The following AMOTL1 variants were observed in gnomAD, a reference collection of about 807,000 sequenced individuals.
The protein encoded by AMOTL1 is angiomotin like 1.
AMOTL1 carries 45 observed loss-of-function variants against 102.9 expected under a neutral mutation model. The observed-to-expected ratio is 0.44, with a 90% CI of 0.34 to 0.56. AMOTL1 has a LOEUF of 0.56. AMOTL1 is among the 20% of genes least tolerant of loss of function. The probability of loss-of-function intolerance (pLI) is 0.01; values close to 1 mark genes in which losing one functional copy is unlikely to be tolerated. For missense variants in AMOTL1, 1,114 were observed against 1,225.6 expected, an observed-to-expected ratio of 0.91 and a Z score of 1.36; for synonymous variants, 481 against 484.7, an observed-to-expected ratio of 0.99 and a Z score of 0.10.
intron 3 of AMOTL1, among the ~76,000 whole-genome samples, chr11:94,757,568 A>C (rs1453708673): frequency 1.3e-5 from 2 of 152,160 alleles, no homozygotes; most frequent in Admixed American, 6.5e-5. Flanking sequence ...AGGCTTAATA[A>C]ATAGATCTTA....
chr11:94,839,530 G>A (rs990292151), intron 6 of AMOTL1, among the ~76,000 whole-genome samples: 1 of 152,158 alleles, frequency 6.6e-6, no homozygotes, highest in African/African-American at 2.4e-5. Context: ...AACTGCCATG[G>A]GGAAGCCATC....
intron 3 of AMOTL1, among the ~76,000 whole-genome samples, chr11:94,809,852 GT>G (rs141881240): frequency 0.27 from 41,190 of 151,832 alleles, 6,171 homozygotes; most frequent in East Asian, 0.47. Flanking sequence ...CTCAAAGTCT[GT>G]TTTTTTTCTG....
upstream of AMOTL1, among the ~76,000 whole-genome samples, chr11:94,764,359 A>T (rs964641855): frequency 3.2e-4 from 49 of 152,216 alleles, no homozygotes; most frequent in African/African-American, 1.2e-3. Context: ...TGGAGGTGGA[A>T]CATGAGGAGT....
intron 3 of AMOTL1, among the ~76,000 whole-genome samples, chr11:94,809,735 T>C (rs556061199): frequency 6.6e-6 from 1 of 152,360 alleles, no homozygotes; most frequent in South Asian, 2.1e-4. Context: ...CAATAATGTA[T>C]GTTGACAATT....
upstream of AMOTL1, among the ~76,000 whole-genome samples, chr11:94,766,892 T>C (rs1160499544): frequency 1.3e-5 from 2 of 152,230 alleles, no homozygotes; most frequent in Non-Finnish European, 2.9e-5. Context: ...CTGCCTTCCC[T>C]TGTTTTCTCC....
In AMOTL1 at chr11:94,869,359, G is replaced by A. The variant is rs771639549; in HGVS notation, c.2650G>A (p.Glu884Lys). ...DSSTQTDKSA[E>K]LFWPSMASLP... ...CAGCACACAGACTGACAAGAGTGCC[G>A]AGCTCTTCTGGCCCAGCATGGCCTC... The change falls in exon 12 of 13, where the codon GAG becomes AAG. Residue 884 changes from glutamate (E) to lysine (K), a missense_variant. Coordinates refer to ENST00000433060, the MANE Select transcript of AMOTL1 (RefSeq NM_130847.3). 7.5e-6 allele frequency: 12 copies of A among 1,609,796 alleles called. No homozygotes were observed. Among genetic ancestry groups the A allele is most frequent in the South Asian group, 2.2e-5 (2 of 90,078 alleles).
chr11:94,869,383 T>C lies in AMOTL1; in HGVS notation c.2674T>C (p.Ser892Pro). The change falls in exon 12 of 13, where the codon TCC (serine) becomes CCC (proline). Residue 892 changes from serine to proline, a missense_variant. Coordinates refer to ENST00000433060, the MANE Select transcript of AMOTL1 (RefSeq NM_130847.3). ...CGAGCTCTTCTGGCCCAGCATGGCC[T>C]CCCTTCCCAGCCGCGGCCGGCTGAG... ...SAELFWPSMA[S>P]LPSRGRLSTT... The C allele has an allele frequency of 1.9e-6, 3 of 1,607,818 alleles. No homozygotes were observed. Among genetic ancestry groups the C allele is most frequent in the Non-Finnish European group, 2.5e-6 (3 of 1,177,446 alleles).
chr11:94,725,814 G>A (rs1950248235), intron 1 of AMOTL1, among the ~76,000 whole-genome samples: 1 of 152,150 alleles, frequency 6.6e-6, no homozygotes, highest in Admixed American at 6.5e-5. Context: ...TGTAATAATT[G>A]AGCATTATAT....
At position 94,840,679 on chromosome 11, in the gene AMOTL1, TATAC is replaced by T. The variant is rs879515575; in HGVS notation, c.1648+9140_1648+9143del. On this transcript the variant is annotated intron_variant, in intron 6 of 12. Coordinates refer to ENST00000433060, the MANE Select transcript of AMOTL1 (RefSeq NM_130847.3). ...GTATATATATATATATATATATATA[TATAC>T]ACACACACACACACACACACACACA... 8.8e-3 allele frequency among the ~76,000 whole-genome samples: 1,138 copies of T among 129,234 alleles called. 3 individuals are homozygous for T. The highest frequency in any genetic ancestry group is 0.013 in the East Asian group (58 of 4,568). The allele number at this position is 129,234 out of a possible 152,430, so 84.8% of individuals were successfully genotyped here.
rs565736102 is a variant in AMOTL1, at chr11:94,871,315, C to G, written c.*520C>G. On this transcript the variant is annotated 3_prime_UTR_variant, in exon 13 of 13. Coordinates refer to ENST00000433060, the MANE Select transcript of AMOTL1 (RefSeq NM_130847.3). ...TGGCAGTGAGAAGAAGCATCGAGGGCGAGGGGAATATGAAAGTTGGTCTTC... is the reference window on the plus strand; with the variant it reads ...TGGCAGTGAGAAGAAGCATCGAGGGGGAGGGGAATATGAAAGTTGGTCTTC... 1 of 152,182 alleles carries G rather than the reference C, an allele frequency of 6.6e-6. No homozygotes were observed. Among genetic ancestry groups the G allele is most frequent in the Non-Finnish European group, 1.5e-5 (1 of 68,082 alleles). The allele number at this position is 152,182 out of a possible 1,614,324, so 9.4% of individuals were successfully genotyped here.
intron 7 of AMOTL1, 109 bp from the exon 8 acceptor site, chr11:94,853,824 A>G: frequency 7.7e-7 from 1 of 1,291,020 alleles, no homozygotes. Flanking sequence ...AGGTACGTGC[A>G]CCTGTAGTTT....
intron 1 of AMOTL1, among the ~76,000 whole-genome samples, chr11:94,777,054 A>T (rs7936338): frequency 0.039 from 5,912 of 152,340 alleles, 380 homozygotes; most frequent in African/African-American, 0.13. Context: ...AAACCAATCT[A>T]GCTTCTTGAA....
chr11:94,852,815 A>G (rs1952571828), intron 7 of AMOTL1, among the ~76,000 whole-genome samples: 1 of 152,240 alleles, frequency 6.6e-6, no homozygotes, highest in Non-Finnish European at 1.5e-5. Flanking sequence ...TAACTGTAAT[A>G]AGAAAAATTT....
At chr11:94,869,074 T>C in intron 11 of AMOTL1, 124 bp from the exon 12 acceptor site, 1 of 1,175,756 alleles carries the variant, frequency 8.5e-7, no homozygotes, top group South Asian at 1.9e-5. Context: ...TATTAAATGC[T>C]TGGGGAATGA....
At chr11:94,717,574 A>G (rs1950115779) in intron 1 of AMOTL1, among the ~76,000 whole-genome samples, 1 of 151,930 alleles carries the variant, frequency 6.6e-6, no homozygotes, top group Non-Finnish European at 1.5e-5. Context: ...AACAACATAT[A>G]TTAAATATTA....
intron 7 of AMOTL1, among the ~76,000 whole-genome samples, chr11:94,851,846 A>G (rs541692195): frequency 1.3e-5 from 2 of 152,358 alleles, no homozygotes; most frequent in Non-Finnish European, 2.9e-5. Flanking sequence ...GCCTTGCTAG[A>G]ATTAAGGTTG....
chr11:94,789,479 T>C (rs539572466), intron 1 of AMOTL1, among the ~76,000 whole-genome samples: 11 of 152,298 alleles, frequency 7.2e-5, no homozygotes, highest in Admixed American at 2.0e-4. Context: ...TTTAAAAACA[T>C]GTGTTGCATG....
intron 2 of AMOTL1, among the ~76,000 whole-genome samples, chr11:94,739,842 G>T (rs1950491588): frequency 6.6e-6 from 1 of 152,160 alleles, no homozygotes; most frequent in Non-Finnish European, 1.5e-5. Context: ...TAACACATCT[G>T]TCCAAGTTAT....
chr11:94,821,852 G>T, intron 4 of AMOTL1, 31 bp downstream of exon 4: 1 of 1,604,060 alleles, frequency 6.2e-7, no homozygotes, highest in South Asian at 1.1e-5. Context: ...ATGGGAGGGA[G>T]ACAAATTCTT....
Sources: gnomAD v4.1 joint callset for allele counts (sites outside exome capture counted in the v4.1 genomes callset) on GRCh38, gnomAD v4.1.1 for gene constraint, MANE v1.5 for transcripts, NCBI Gene and HGNC (gene_info 2026-07-23, HGNC 2026-07-21) for gene names.